The following STK38L variants were observed in gnomAD, a reference collection of about 807,000 sequenced individuals.
STK38L encodes the protein serine/threonine kinase 38 like, also known as serine/threonine-protein kinase 38-like.
Under a neutral mutation model 59.7 loss-of-function variants are expected in STK38L, and 28 were observed. The observed-to-expected ratio is 0.47, with a 90% confidence interval of 0.35 to 0.64. The LOEUF (loss-of-function observed/expected upper bound fraction) is 0.64, where lower values mean the gene tolerates loss of function less well. Ranked by LOEUF, STK38L falls within the 30% of genes least tolerant of loss-of-function variation. STK38L has a pLI of 0.01. For missense variants in STK38L, 314 were observed against 555.8 expected (o/e 0.56, Z 4.37); for synonymous variants, 162 against 176.8 (o/e 0.92, Z 0.66).
chr12:27,261,391 A>G lies in STK38L; in HGVS notation c.-12+17059A>G, dbSNP rs189956837. Among the ~76,000 whole-genome samples the G allele has an allele frequency of 4.6e-5, 7 of 152,358 alleles. No homozygotes were observed. In the East Asian group the frequency reaches 9.6e-4, roughly 21 times the overall value. On this transcript the variant is annotated intron_variant, in intron 1 of 13. Coordinates refer to ENST00000389032, the MANE Select transcript of STK38L (RefSeq NM_015000.4). ...AATCTCAGTGATGCTTAATAGTATC[A>G]TATTAACTTATTTGTAAATTGTCAG...
At chr12:27,315,151 G>T (rs1267466572) in intron 8 of STK38L, 34 bp downstream of exon 8, 3 of 1,594,668 alleles carry the variant, frequency 1.9e-6, no homozygotes, top group Non-Finnish European at 1.7e-6. Flanking sequence ...TCTTTCCCCT[G>T]GTTAAGATAC....
At chr12:27,258,815 T>C (rs1943144295) in intron 1 of STK38L, among the ~76,000 whole-genome samples, 1 of 152,256 alleles carries the variant, frequency 6.6e-6, no homozygotes, top group Non-Finnish European at 1.5e-5. Flanking sequence ...GCTCTGGTCA[T>C]ACCTACATTT....
chr12:27,298,076 C>T, intron 2 of STK38L: 1 of 431,570 alleles, frequency 2.3e-6, no homozygotes, highest in Non-Finnish European at 4.1e-6. Context: ...GTATGACATG[C>T]CAATTAACGT....
intron 1 of STK38L, among the ~76,000 whole-genome samples, chr12:27,284,887 G>C (rs1390806858): frequency 1.3e-5 from 2 of 152,150 alleles, no homozygotes; most frequent in African/African-American, 2.4e-5. Flanking sequence ...GATGCCTTCT[G>C]TTTTCTCATG....
At chr12:27,246,934 A>G (rs925049484) in intron 1 of STK38L, among the ~76,000 whole-genome samples, 1 of 152,222 alleles carries the variant, frequency 6.6e-6, no homozygotes, top group African/African-American at 2.4e-5. Flanking sequence ...GCTGTCTTCA[A>G]GGAGATGTGA....
At chr12:27,253,121 A>G (rs1369888634) in intron 1 of STK38L, among the ~76,000 whole-genome samples, 2 of 152,234 alleles carry the variant, frequency 1.3e-5, no homozygotes, top group Non-Finnish European at 2.9e-5. Flanking sequence ...TGCCACGCAG[A>G]GGGATTAGCA....
intron 1 of STK38L, among the ~76,000 whole-genome samples, chr12:27,258,576 G>A (rs372499359): frequency 8.5e-5 from 13 of 152,106 alleles, no homozygotes; most frequent in African/African-American, 2.9e-4. Context: ...TGATGTGCCC[G>A]CCTCGGCCTC....
At chr12:27,255,424 C>A (rs1436826774) in intron 1 of STK38L, among the ~76,000 whole-genome samples, 1 of 152,126 alleles carries the variant, frequency 6.6e-6, no homozygotes, top group Non-Finnish European at 1.5e-5. Context: ...AAGCCAAAAA[C>A]AAAAATACTT....
chr12:27,252,221 C>T (rs541053218), intron 1 of STK38L, among the ~76,000 whole-genome samples: 67 of 152,236 alleles, frequency 4.4e-4, no homozygotes, highest in African/African-American at 1.3e-3. Context: ...CCTCGTGATC[C>T]GCCTGCCTCG....
intron 1 of STK38L, among the ~76,000 whole-genome samples, chr12:27,258,748 C>A (rs1943142301): frequency 2.0e-5 from 3 of 152,034 alleles, no homozygotes; most frequent in Admixed American, 2.0e-4. Flanking sequence ...AGTTAATATT[C>A]TGTTAAAATT....
At chr12:27,269,848 G>A (rs1943382362) in intron 1 of STK38L, among the ~76,000 whole-genome samples, 1 of 151,986 alleles carries the variant, frequency 6.6e-6, no homozygotes. Context: ...TCGCCATGTT[G>A]GCCAGGCTGG....
chr12:27,313,574 G>T (rs569712229), intron 6 of STK38L, among the ~76,000 whole-genome samples: 1 of 151,918 alleles, frequency 6.6e-6, no homozygotes, highest in South Asian at 2.1e-4. Context: ...GTAGAGACGG[G>T]GTTTCACCAT....
intron 13 of STK38L, 39 bp downstream of exon 13, chr12:27,322,273 C>A (rs1219210071): frequency 1.2e-6 from 2 of 1,612,938 alleles, no homozygotes; most frequent in East Asian, 2.2e-5. Flanking sequence ...TATTAAAAGT[C>A]TTTGAAGATG....
intron 1 of STK38L, among the ~76,000 whole-genome samples, chr12:27,286,155 A>G (rs1324240273): frequency 6.6e-6 from 1 of 152,124 alleles, no homozygotes; most frequent in Non-Finnish European, 1.5e-5. Context: ...ACTAAACCAG[A>G]ACTAAGAATT....
At chr12:27,319,265 A>C in intron 11 of STK38L, 63 bp from the exon 12 acceptor site, 1 of 969,560 alleles carries the variant, frequency 1.0e-6, no homozygotes, top group Non-Finnish European at 1.6e-6. Context: ...TATTTGAAGT[A>C]ATGCAGCTAG....
chr12:27,282,327 G>T (rs1181236278), intron 1 of STK38L, among the ~76,000 whole-genome samples: 1 of 152,078 alleles, frequency 6.6e-6, no homozygotes, highest in Non-Finnish European at 1.5e-5. Flanking sequence ...GTAAATATTG[G>T]CATTATGGTA....
chr12:27,276,049 G>A (rs1943529137), intron 1 of STK38L, among the ~76,000 whole-genome samples: 1 of 152,056 alleles, frequency 6.6e-6, no homozygotes, highest in African/African-American at 2.4e-5. Context: ...TTAATAGAAT[G>A]ATATTTAAGT....
At chr12:27,249,364 G>T (rs1942923585) in intron 1 of STK38L, among the ~76,000 whole-genome samples, 1 of 152,106 alleles carries the variant, frequency 6.6e-6, no homozygotes, top group South Asian at 2.1e-4. Context: ...TTGAGACAGA[G>T]TTTCACTCTT....
chr12:27,315,181 T>C, intron 8 of STK38L, 64 bp downstream of exon 8: 1 of 1,577,674 alleles, frequency 6.3e-7, no homozygotes, highest in South Asian at 1.1e-5. Context: ...CAGAAGGTTC[T>C]TTCCCTTTCC....
Sources: gnomAD v4.1 joint callset for allele counts (sites outside exome capture counted in the v4.1 genomes callset) on GRCh38, gnomAD v4.1.1 for gene constraint, MANE v1.5 for transcripts, NCBI Gene and HGNC (gene_info 2026-07-23, HGNC 2026-07-21) for gene names.